MIS18A: variants seen among roughly 807,000 people sequenced by gnomAD.
MIS18A encodes the protein protein Mis18-alpha.
MIS18A carries 14 observed loss-of-function variants against 25.0 expected under a neutral mutation model. The ratio of observed to expected loss-of-function variants is 0.56; its 90% CI spans 0.37 to 0.88. The LOEUF (loss-of-function observed/expected upper bound fraction) is 0.88. Among genes scored for constraint, MIS18A ranks in the 40% least tolerant of loss-of-function variants. The pLI is 0.00. For missense variants in MIS18A, 292 were observed against 290.8 expected (o/e 1.00, Z -0.03); for synonymous variants, 134 against 118.6 (o/e 1.13, Z -0.84).
the MIS18A span, among the ~76,000 whole-genome samples, chr21:32,181,857 C>T: frequency 6.6e-6 from 1 of 152,286 alleles, no homozygotes; most frequent in South Asian, 2.1e-4. Context: ...TTAAGCATGA[C>T]CTCAGAAGGT....
chr21:32,177,917 T>C, the MIS18A span, among the ~76,000 whole-genome samples: 1 of 151,576 alleles, frequency 6.6e-6, no homozygotes, highest in African/African-American at 2.4e-5. Context: ...TCTTTTGTTT[T>C]CTTTTCTTTT....
chr21:32,194,682 GAT>G, the MIS18A span, among the ~76,000 whole-genome samples: 2 of 151,350 alleles, frequency 1.3e-5, no homozygotes, highest in Admixed American at 6.6e-5. Flanking sequence ...AAAAGATATA[GAT>G]ATAGACACCA....
the MIS18A span, among the ~76,000 whole-genome samples, chr21:32,171,220 C>T: frequency 6.6e-6 from 1 of 152,102 alleles, no homozygotes; most frequent in South Asian, 2.1e-4. Context: ...GTATGATCTT[C>T]TGTATAAAAA....
chr21:32,263,696 C>A (rs1437252983), downstream of MIS18A, among the ~76,000 whole-genome samples: 2 of 151,708 alleles, frequency 1.3e-5, no homozygotes, highest in African/African-American at 4.8e-5. Flanking sequence ...AGGACTTGTT[C>A]TTTTGGGTGT....
chr21:32,274,366 G>A lies in MIS18A; in HGVS notation c.401+464C>T, dbSNP rs1016049269. ...ATTACAGGCCCGCACCACCATGCCC[G>A]GCTAATTTGTGTATTTTTAGTGGAG... On this transcript the variant is annotated intron_variant, in intron 2 of 4. Transcript: ENST00000290130. 3.3e-5 allele frequency among the ~76,000 whole-genome samples: 5 copies of A among 151,666 alleles called. No homozygotes were observed. The South Asian group carries it at 8.3e-4, about 25-fold the overall frequency.
chr21:32,274,836 T>C lies in MIS18A; in HGVS notation c.395A>G (p.Asn132Ser). Residue 132 changes from asparagine (N) to serine (S), a missense_variant, in exon 2 of 5, where the codon AAT becomes AGT. Asn to Ser is a conservative substitution (Grantham distance 46). Transcript: ENST00000290130. Reference protein sequence around the residue: ...EQKLSKREKENGCVLETLCCA... With the variant: ...EQKLSKREKESGCVLETLCCA... ...TAAATACAGTTTTACTCACCAACCA[T>C]TTTCCTTTTCACGTTTGGATAGCTT... The C allele has an allele frequency of 6.2e-7, 1 of 1,610,782 alleles. No individual in the cohort carries two copies. The highest frequency in any genetic ancestry group is 8.5e-7 in the Non-Finnish European group (1 of 1,177,488).
chr21:32,210,377 A>T, the MIS18A span, among the ~76,000 whole-genome samples: 3 of 152,104 alleles, frequency 2.0e-5, no homozygotes, highest in South Asian at 6.2e-4. Flanking sequence ...TCAGTATTGG[A>T]AATTACTTGA....
chr21:32,201,368 A>G, the MIS18A span, among the ~76,000 whole-genome samples: 2 of 152,148 alleles, frequency 1.3e-5, no homozygotes, highest in African/African-American at 4.8e-5. Context: ...GACTGGTGGA[A>G]TCCTTATATT....
At chr21:32,250,669 T>G in the MIS18A span, among the ~76,000 whole-genome samples, 2 of 152,226 alleles carry the variant, frequency 1.3e-5, no homozygotes, top group Non-Finnish European at 2.9e-5. Flanking sequence ...CTCATTTCTG[T>G]GTAGCCATCT....
chr21:32,217,679 T>A, the MIS18A span, among the ~76,000 whole-genome samples: 1 of 152,098 alleles, frequency 6.6e-6, no homozygotes, highest in Non-Finnish European at 1.5e-5. Context: ...ATGATCCAAC[T>A]GTCAAAAGAT....
downstream of MIS18A, among the ~76,000 whole-genome samples, chr21:32,267,805 G>A (rs145726318): frequency 6.6e-6 from 1 of 152,322 alleles, no homozygotes; most frequent in Non-Finnish European, 1.5e-5. Context: ...TGTTGCCAGC[G>A]GGTGTTGACG....
At chr21:32,247,631 G>A in the MIS18A span, among the ~76,000 whole-genome samples, 1 of 152,146 alleles carries the variant, frequency 6.6e-6, no homozygotes, top group African/African-American at 2.4e-5. Context: ...AGGCCGTTAG[G>A]GTAGGCCTTA....
At chr21:32,171,262 G>C in the MIS18A span, among the ~76,000 whole-genome samples, 1 of 151,946 alleles carries the variant, frequency 6.6e-6, no homozygotes, top group African/African-American at 2.4e-5. Context: ...AAAACTGTCA[G>C]AACTAATAAA....
downstream of MIS18A, among the ~76,000 whole-genome samples, chr21:32,266,411 G>A (rs2031601516): frequency 6.6e-6 from 1 of 152,102 alleles, no homozygotes; most frequent in African/African-American, 2.4e-5. Flanking sequence ...CAACCTGCTC[G>A]GGTCCCCTTC....
chr21:32,164,774 A>G, the MIS18A span, among the ~76,000 whole-genome samples: 4 of 152,282 alleles, frequency 2.6e-5, no homozygotes, highest in Middle Eastern at 3.4e-3. Flanking sequence ...CTCCATTTAA[A>G]AAAAGTCAGG....
the MIS18A span, among the ~76,000 whole-genome samples, chr21:32,157,212 G>T: frequency 9.0e-5 from 12 of 133,768 alleles, no homozygotes; most frequent in African/African-American, 2.8e-4. Flanking sequence ...ACCCGCCACC[G>T]TACCCGGCTA....
Position 32,269,148 on chromosome 21 carries a change from A to G in MIS18A, c.622-31T>C, listed in dbSNP as rs750741992. 3 of 1,432,650 alleles carry G rather than the reference A, an allele frequency of 2.1e-6. No homozygotes were observed. The Admixed American group carries it at 5.9e-5, about 28-fold the overall frequency. 88.7% of individuals were successfully genotyped at this position (1,432,650 alleles called of 1,614,324 possible). On this transcript the variant is annotated intron_variant, in intron 4 of 4. Transcript: ENST00000290130. ...GAATTTAAAAAATAAAAAAATAAAG[A>G]AACACACATATAATTAAAAATTATA... is the stretch of plus-strand genomic sequence containing the variant.
At chr21:32,251,059 C>T in the MIS18A span, among the ~76,000 whole-genome samples, 1 of 152,192 alleles carries the variant, frequency 6.6e-6, no homozygotes, top group Non-Finnish European at 1.5e-5. Context: ...CTTCCTGCCA[C>T]CATGTGAAGA....
chr21:32,165,604 TAA>T, the MIS18A span, among the ~76,000 whole-genome samples: 9 of 133,542 alleles, frequency 6.7e-5, no homozygotes, highest in Non-Finnish European at 9.9e-5. Context: ...AAAACTGGTT[TAA>T]AAAAAAAAAG....
Sources: gnomAD v4.1 joint callset for allele counts (sites outside exome capture counted in the v4.1 genomes callset) on GRCh38, gnomAD v4.1.1 for gene constraint, MANE v1.5 for transcripts, NCBI Gene and HGNC (gene_info 2026-07-23, HGNC 2026-07-21) for gene names.